The following NDUFA10 variants were observed in gnomAD, a reference collection of about 807,000 sequenced individuals.
NDUFA10 encodes NADH dehydrogenase [ubiquinone] 1 alpha subcomplex subunit 10, mitochondrial.
Under a neutral mutation model 47.8 loss-of-function variants are expected in NDUFA10, and 40 were observed. The ratio of observed to expected loss-of-function variants is 0.84; its 90% CI spans 0.65 to 1.09. The LOEUF is 1.09. Among genes scored for constraint, NDUFA10 ranks in the 50% least tolerant of loss-of-function variants. NDUFA10 has a pLI of 0.00. For missense variants in NDUFA10, 413 were observed against 451.1 expected (o/e 0.92, Z 0.76); for synonymous variants, 183 against 172.2 (o/e 1.06, Z -0.49).
intron 4 of NDUFA10, among the ~76,000 whole-genome samples, chr2:239,934,391 C>G (rs1694227345): frequency 1.4e-5 from 2 of 144,872 alleles, no homozygotes; most frequent in Non-Finnish European, 3.0e-5. Context: ...GCCTGACGAA[C>G]CACGAACCAA....
chr2:239,894,291 C>T (rs954664641), intron 5 of NDUFA10, among the ~76,000 whole-genome samples: 1 of 151,642 alleles, frequency 6.6e-6, no homozygotes, highest in African/African-American at 2.4e-5. Context: ...TGCCTCCCGT[C>T]CTCAGCTCCA....
chr2:239,914,553 GAC>G (rs1221113491), intron 4 of NDUFA10, among the ~76,000 whole-genome samples: 4 of 133,698 alleles, frequency 3.0e-5, no homozygotes, highest in Admixed American at 7.3e-5. Flanking sequence ...CAAATATACA[GAC>G]ACAGAGATAC....
intron 1 of NDUFA10, among the ~76,000 whole-genome samples, chr2:240,023,730 A>C (rs900626199): frequency 6.6e-6 from 1 of 152,258 alleles, no homozygotes; most frequent in African/African-American, 2.4e-5. Flanking sequence ...AGAATATGAA[A>C]TATCAAGATA....
chr2:239,944,136 T>A (rs1318236964), intron 4 of NDUFA10, among the ~76,000 whole-genome samples: 1 of 152,180 alleles, frequency 6.6e-6, no homozygotes, highest in Non-Finnish European at 1.5e-5. Flanking sequence ...CCCTGACCAC[T>A]GCAGCCAGGC....
intron 4 of NDUFA10, among the ~76,000 whole-genome samples, chr2:239,899,073 GATGGAGGAGT>G (rs1574761955): frequency 2.0e-5 from 1 of 50,564 alleles, no homozygotes; most frequent in Non-Finnish European, 4.5e-5. Context: ...GGAGGGGTGT[GATGGAGGAGT>G]GTGGAGGGGT....
intron 9 of NDUFA10, among the ~76,000 whole-genome samples, chr2:239,988,850 G>T (rs550513322): frequency 6.6e-6 from 1 of 152,136 alleles, no homozygotes; most frequent in South Asian, 2.1e-4. Flanking sequence ...GACAGAAAGG[G>T]AGACACAGCA....
At chr2:239,946,971 G>A (rs1365198393) in intron 4 of NDUFA10, among the ~76,000 whole-genome samples, 3 of 152,246 alleles carry the variant, frequency 2.0e-5, no homozygotes, top group South Asian at 2.1e-4. Flanking sequence ...GGAACCCTGC[G>A]TGAAGTGCCA....
At position 240,014,621 on chromosome 2, in the gene NDUFA10, T is replaced by C. The variant is rs1276589310; in HGVS notation, c.669+118A>G. Reference sequence around the variant, plus strand: ...CTCTCTCAAGTGGGAACAGGGTGTGTGTCACCCTCCTCGTGAGGACTGGTA... The same window carrying C: ...CTCTCTCAAGTGGGAACAGGGTGTGCGTCACCCTCCTCGTGAGGACTGGTA... On this transcript the variant is annotated intron_variant, in intron 5 of 9. Transcript: ENST00000252711. 4.1e-6 allele frequency: 6 copies of C among 1,459,374 alleles called. No homozygotes were observed. The African/African-American group carries it at 8.3e-5, about 20-fold the overall frequency. 90.4% of individuals were successfully genotyped at this position (1,459,374 alleles called of 1,614,324 possible).
intron 3 of NDUFA10, among the ~76,000 whole-genome samples, chr2:240,019,797 C>A (rs1471118630): frequency 1.5e-4 from 3 of 19,808 alleles, no homozygotes; most frequent in Non-Finnish European, 2.8e-4. Context: ...CCAGCCTGGG[C>A]GACAGAGCGA....
At chr2:239,914,365 TACAC>T (rs1559275523) in intron 4 of NDUFA10, among the ~76,000 whole-genome samples, 1 of 125,540 alleles carries the variant, frequency 8.0e-6, no homozygotes, top group East Asian at 2.6e-4. Flanking sequence ...CACAAAGAGA[TACAC>T]ATACACACAC....
chr2:239,998,423 T>C (rs1175834883), intron 8 of NDUFA10, among the ~76,000 whole-genome samples: 1 of 152,230 alleles, frequency 6.6e-6, no homozygotes, highest in Non-Finnish European at 1.5e-5. Flanking sequence ...GAAGTTTTTC[T>C]GCCAAAAGCA....
In NDUFA10 at chr2:239,939,352, G is replaced by C. The variant is rs145023903; in HGVS notation, c.295-44038C>G. ...TCCTGGGTTTGTGGGGAGGGCGAGTGGAACTCGCGGAGAGAGAGGGGTAGA... is the reference window on the plus strand; with the variant it reads ...TCCTGGGTTTGTGGGGAGGGCGAGTCGAACTCGCGGAGAGAGAGGGGTAGA... On this transcript the variant is annotated intron_variant, in intron 4 of 5. Transcript: ENST00000419408. Among the ~76,000 whole-genome samples the C allele has an allele frequency of 2.0e-3, 304 of 152,334 alleles. 2 individuals are homozygous for C. Among genetic ancestry groups the C allele is most frequent in the African/African-American group, 6.9e-3 (285 of 41,584 alleles).
intron 8 of NDUFA10, among the ~76,000 whole-genome samples, chr2:239,991,974 A>G (rs1696270838): frequency 6.6e-6 from 1 of 152,232 alleles, no homozygotes; most frequent in Non-Finnish European, 1.5e-5. Context: ...ACTATTTTTG[A>G]AGATTAAAAA....
intron 9 of NDUFA10, among the ~76,000 whole-genome samples, chr2:239,972,588 T>C (rs1462168284): frequency 6.6e-6 from 1 of 152,168 alleles, no homozygotes; most frequent in African/African-American, 2.4e-5. Flanking sequence ...AGAACACAAA[T>C]CGAATGTAAC....
At chr2:239,989,918 G>A (rs940029043) in intron 9 of NDUFA10, among the ~76,000 whole-genome samples, 156 bp downstream of exon 9, 2 of 152,180 alleles carry the variant, frequency 1.3e-5, no homozygotes, top group Non-Finnish European at 2.9e-5. Context: ...GAAATACGGG[G>A]AAAAGGGAGA....
intron 3 of NDUFA10, among the ~76,000 whole-genome samples, chr2:240,019,338 A>C (rs1697510863): frequency 6.6e-6 from 1 of 152,222 alleles, no homozygotes; most frequent in African/African-American, 2.4e-5. Flanking sequence ...ATATTTAATG[A>C]ATACGTTAAC....
chr2:239,898,035 G>A (rs1693431067), intron 4 of NDUFA10, among the ~76,000 whole-genome samples: 1 of 152,138 alleles, frequency 6.6e-6, no homozygotes, highest in African/African-American at 2.4e-5. Flanking sequence ...CTGGAATATA[G>A]AGCCAGGCTG....
intron 4 of NDUFA10, among the ~76,000 whole-genome samples, chr2:239,915,415 TACACAG>T (rs1434487475): frequency 9.7e-5 from 3 of 31,076 alleles, no homozygotes; most frequent in Non-Finnish European, 1.7e-4. Flanking sequence ...AACACACACA[TACACAG>T]ACACAAATAT....
At chr2:239,943,730 G>T (rs893446924) in intron 4 of NDUFA10, among the ~76,000 whole-genome samples, 1 of 152,134 alleles carries the variant, frequency 6.6e-6, no homozygotes, top group Non-Finnish European at 1.5e-5. Context: ...GCCCCTCCTG[G>T]CACAGCACTG....
Sources: gnomAD v4.1 joint callset for allele counts (sites outside exome capture counted in the v4.1 genomes callset) on GRCh38, gnomAD v4.1.1 for gene constraint, MANE v1.5 for transcripts, NCBI Gene and HGNC (gene_info 2026-07-23, HGNC 2026-07-21) for gene names.